The following LRP1B variants were observed in gnomAD, a reference collection of about 807,000 sequenced individuals.
LRP1B encodes low-density lipoprotein receptor-related protein 1B.
In LRP1B, 217 loss-of-function variants were observed where a neutral mutation model predicts 556.6. That is an observed-to-expected ratio of 0.39 (90% CI 0.35 to 0.44). LRP1B has a LOEUF of 0.44. Among genes scored for constraint, LRP1B ranks in the 20% least tolerant of loss-of-function variants. LRP1B has a pLI of 1.00. For missense variants in LRP1B, 5,053 were observed against 5,620.8 expected (o/e 0.90, Z 3.23); for synonymous variants, 2,047 against 1,865.8 (o/e 1.10, Z -2.50).
intron 3 of LRP1B, among the ~76,000 whole-genome samples, chr2:141,302,381 T>C (rs1185003940): frequency 6.6e-6 from 1 of 152,150 alleles, no homozygotes; most frequent in African/African-American, 2.4e-5. Flanking sequence ...GTATTCCTTG[T>C]TCTTCAGATT....
intron 3 of LRP1B, among the ~76,000 whole-genome samples, chr2:141,411,051 T>C (rs1340014536): frequency 4.6e-5 from 7 of 152,126 alleles, no homozygotes; most frequent in African/African-American, 1.2e-4. Flanking sequence ...TACAGGTTTA[T>C]AGTTTTAGTG....
intron 2 of LRP1B, among the ~76,000 whole-genome samples, chr2:141,560,704 A>G (rs931156329): frequency 6.6e-6 from 1 of 151,718 alleles, no homozygotes; most frequent in African/African-American, 2.4e-5. Flanking sequence ...AAGAAATTAT[A>G]TGTTCTTTAA....
At chr2:140,949,938 CAAAAAAAAA>C (rs67201185) in intron 20 of LRP1B, among the ~76,000 whole-genome samples, 2 of 14,280 alleles carry the variant, frequency 1.4e-4, no homozygotes, top group East Asian at 3.9e-3. Flanking sequence ...GACTCCGTCT[CAAAAAAAAA>C]AAAAAAAAAA....
intron 20 of LRP1B, among the ~76,000 whole-genome samples, chr2:140,932,311 G>A (rs1385452734): frequency 6.6e-6 from 1 of 151,982 alleles, no homozygotes; most frequent in African/African-American, 2.4e-5. Context: ...TCTAAATGAG[G>A]GGTCAGCAAG....
At chr2:140,964,419 C>T (rs1015544169) in intron 18 of LRP1B, among the ~76,000 whole-genome samples, 1 of 152,110 alleles carries the variant, frequency 6.6e-6, no homozygotes, top group Non-Finnish European at 1.5e-5. Context: ...GGAGACCTCC[C>T]CTTTCCCGGT....
intron 43 of LRP1B, among the ~76,000 whole-genome samples, chr2:140,567,119 A>C (rs1198521521): frequency 6.6e-6 from 1 of 151,768 alleles, no homozygotes; most frequent in Admixed American, 6.6e-5. Context: ...AAGACAAACA[A>C]CTCTAATACT....
intron 35 of LRP1B, among the ~76,000 whole-genome samples, chr2:140,719,963 G>A (rs1345001705): frequency 6.6e-6 from 1 of 151,946 alleles, no homozygotes; most frequent in Non-Finnish European, 1.5e-5. Context: ...TGGAGTATCT[G>A]CAAAATAAAC....
intron 27 of LRP1B, among the ~76,000 whole-genome samples, chr2:140,861,704 C>A (rs140801941): frequency 6.6e-6 from 1 of 152,134 alleles, no homozygotes; most frequent in Non-Finnish European, 1.5e-5. Flanking sequence ...TAATGTCAGA[C>A]CTATTTAGGA....
In LRP1B at chr2:140,449,941, T is replaced by G. The variant is rs149172888; in HGVS notation, c.10057+627A>C. ...AGTACAAAAGGCTATCAAGGAAAAG[T>G]CTGCTGATGTCCCATTACAACCAAA... On this transcript the variant is annotated intron_variant, in intron 63 of 90. Transcript: ENST00000389484. Among the ~76,000 whole-genome samples the G allele has an allele frequency of 1.4e-4, 22 of 152,266 alleles. No homozygotes were observed. In the East Asian group the frequency reaches 4.3e-3, roughly 29 times the overall value.
intron 11 of LRP1B, among the ~76,000 whole-genome samples, chr2:141,040,838 C>T (rs1698676710): frequency 6.6e-6 from 1 of 152,092 alleles, no homozygotes; most frequent in African/African-American, 2.4e-5. Context: ...TAAGCAATCA[C>T]ATGAATATAG....
At chr2:141,435,160 A>G (rs1280110663) in intron 3 of LRP1B, among the ~76,000 whole-genome samples, 1 of 152,134 alleles carries the variant, frequency 6.6e-6, no homozygotes, top group Admixed American at 6.5e-5. Flanking sequence ...TTGCCAGGAG[A>G]GTCAACCCTG....
chr2:140,645,618 C>G (rs1244634016), intron 41 of LRP1B, among the ~76,000 whole-genome samples: 2 of 143,316 alleles, frequency 1.4e-5, no homozygotes, highest in African/African-American at 5.3e-5. Flanking sequence ...CCGCTCACTG[C>G]AAGCTCCGCC....
chr2:141,660,282 G>A (rs1690165056), intron 2 of LRP1B, among the ~76,000 whole-genome samples: 2 of 152,148 alleles, frequency 1.3e-5, no homozygotes, highest in African/African-American at 2.4e-5. Flanking sequence ...TACCCTGCCC[G>A]GGAAGCCATG....
intron 72 of LRP1B, among the ~76,000 whole-genome samples, chr2:140,363,251 A>G (rs569277204): frequency 1.5e-4 from 22 of 151,666 alleles, no homozygotes; most frequent in African/African-American, 5.3e-4. Flanking sequence ...GCTTGACTCA[A>G]TGTTGATATT....
In LRP1B at chr2:141,711,747, T is replaced by G. The variant is rs141237237; in HGVS notation, c.205+98532A>C. 8.5e-4 allele frequency among the ~76,000 whole-genome samples: 130 copies of G among 152,288 alleles called. 1 individual carries two copies. The highest frequency in any genetic ancestry group is 2.8e-3 in the African/African-American group (117 of 41,568). On this transcript the variant is annotated intron_variant, in intron 2 of 90. Coordinates refer to ENST00000389484, the MANE Select transcript of LRP1B (RefSeq NM_018557.3). The stretch of plus-strand genomic sequence containing the variant: ...AAGTCCTACTCACAGTTTTCTGATT[T>G]CCCTTTGGATCTTCCTACCCTGATA...
intron 1 of LRP1B, among the ~76,000 whole-genome samples, chr2:142,078,855 G>A (rs1705607505): frequency 7.3e-6 from 1 of 136,912 alleles, no homozygotes; most frequent in South Asian, 2.3e-4. Context: ...TGCCTAAAAA[G>A]CAATATCTAT....
chr2:141,680,175 GC>G lies in LRP1B; in HGVS notation c.205+130103del, dbSNP rs1691052507. Among the ~76,000 whole-genome samples the G allele has an allele frequency of 2.0e-5, 3 of 151,978 alleles. No homozygotes were observed. In the South Asian group the frequency reaches 6.2e-4, roughly 31 times the overall value. ...GATATTTCATAATATTTTAAACTTTGCGAATTTCGAATCAAAATCAGGTAAA... is the reference window on the plus strand; with the variant it reads ...GATATTTCATAATATTTTAAACTTTGGAATTTCGAATCAAAATCAGGTAAA... On this transcript the variant is annotated intron_variant, in intron 2 of 90. Transcript: ENST00000389484.
rs2105199422 is a variant in LRP1B, at chr2:140,601,608, G to C, written c.6831C>G (p.His2277Gln). 6.2e-7 allele frequency: 1 copy of C among 1,602,854 alleles called. No individual in the cohort carries two copies. The highest frequency in any genetic ancestry group is 1.7e-5 in the Admixed American group (1 of 59,618). The change falls in exon 42 of 91, where the codon CAC becomes CAG. Residue 2277 changes from histidine to glutamine, a missense_variant. Transcript: ENST00000389484. ...NVGSVEGLAY[H>Q]RAWDTLYWTS... ...TCCAGTACAGTGTATCCCAGGCTCT[G>C]TGATAGGCAAGTCCTTCCACAGAAC... is the stretch of plus-strand genomic sequence containing the variant.
intron 1 of LRP1B, among the ~76,000 whole-genome samples, chr2:141,827,904 T>C (rs1420489067): frequency 3.9e-5 from 6 of 151,936 alleles, no homozygotes; most frequent in Non-Finnish European, 7.4e-5. Context: ...CATATATTTA[T>C]ATACCCTTCT....
Sources: allele counts gnomAD v4.1 joint callset (sites outside exome capture counted in the v4.1 genomes callset), GRCh38; gene constraint gnomAD v4.1.1; transcripts MANE v1.5; gene names NCBI Gene and HGNC (gene_info 2026-07-23, HGNC 2026-07-21).